Variants in ATOSB observed in about 807,000 individuals in gnomAD.
ATOSB encodes the protein atos homolog protein B.
chr9:35,104,987 C>T, the ATOSB span: 1 of 401,708 alleles, frequency 2.5e-6, no homozygotes, highest in Non-Finnish European at 4.4e-6. Context: ...CTCCCTACTA[C>T]CTAAGCTGGC....
At chr9:35,107,343 A>AAT in the ATOSB span, 1 of 1,531,280 alleles carries the variant, frequency 6.5e-7, no homozygotes, top group Admixed American at 2.2e-5. Context: ...AAAAAAAAAA[A>AAT]GTAAAAAAAG....
At chr9:35,108,512 C>T in the ATOSB span, 1 of 1,236,574 alleles carries the variant, frequency 8.1e-7, no homozygotes. Flanking sequence ...ATAGAGACCA[C>T]TCTCAGAACT....
the ATOSB span, chr9:35,105,046 G>A: frequency 3.1e-6 from 2 of 644,850 alleles, no homozygotes; most frequent in Non-Finnish European, 4.9e-6. The surrounding 1 kb of genome is among the most constrained non-coding windows in gnomAD (Gnocchi z 5.5). Context: ...CCGAAGTAGG[G>A]CAGGGTGTAG....
chr9:35,105,064 C>A, the ATOSB span: 722 of 780,584 alleles, frequency 9.2e-4, 4 homozygotes, highest in African/African-American at 0.012. This position sits in a 1 kb window ranked among gnomAD's most constrained non-coding sequence, Gnocchi z 5.5. Flanking sequence ...TAGTAAGAAT[C>A]AGAAGCTTTA....
At chr9:35,105,702 G>A in the ATOSB span, 2 of 1,614,000 alleles carry the variant, frequency 1.2e-6, no homozygotes, top group Non-Finnish European at 8.5e-7. The surrounding 1 kb of genome is among the most constrained non-coding windows in gnomAD (Gnocchi z 5.5). Flanking sequence ...GCAAGTAGCA[G>A]AGGAGGCGGT....
At chr9:35,106,227 C>T in the ATOSB span, 1 of 1,612,756 alleles carries the variant, frequency 6.2e-7, no homozygotes, top group East Asian at 2.2e-5. The surrounding 1 kb of genome is among the most constrained non-coding windows in gnomAD (Gnocchi z 4.6). Context: ...GATGAGCTGA[C>T]TTTGGGGTTG....
the ATOSB span, chr9:35,105,716 T>A: frequency 6.2e-7 from 1 of 1,613,002 alleles, no homozygotes; most frequent in Non-Finnish European, 8.5e-7. This position sits in a 1 kb window ranked among gnomAD's most constrained non-coding sequence, Gnocchi z 5.5. Flanking sequence ...AGGCGGTGGG[T>A]GGGGTTAGCA....
the ATOSB span, among the ~76,000 whole-genome samples, chr9:35,112,970 C>T: frequency 2.7e-4 from 41 of 152,258 alleles, no homozygotes; most frequent in African/African-American, 9.1e-4. Flanking sequence ...CCTTACCTCA[C>T]CCTAGACCAC....
the ATOSB span, chr9:35,111,479 C>A: frequency 6.5e-6 from 1 of 153,018 alleles, no homozygotes; most frequent in South Asian, 2.0e-4. Flanking sequence ...CGCAGCCCCC[C>A]AGCCGCTGCC....
At chr9:35,105,546 C>CAT in the ATOSB span, 1 of 1,044,984 alleles carries the variant, frequency 9.6e-7, no homozygotes, top group South Asian at 1.6e-5. The surrounding 1 kb of genome is among the most constrained non-coding windows in gnomAD (Gnocchi z 5.5). Context: ...TGAATACATA[C>CAT]ATATATATGT....
the ATOSB span, chr9:35,106,923 G>A: frequency 6.5e-7 from 1 of 1,546,744 alleles, no homozygotes; most frequent in Non-Finnish European, 8.8e-7. The surrounding 1 kb of genome is among the most constrained non-coding windows in gnomAD (Gnocchi z 4.6). Flanking sequence ...AAAAGACACA[G>A]GGTGAAGGCC....
chr9:35,114,260 C>T, the ATOSB span, among the ~76,000 whole-genome samples: 8 of 152,226 alleles, frequency 5.3e-5, no homozygotes, highest in East Asian at 1.5e-3. Context: ...TAGGCCCGCC[C>T]TCTCTGAGAG....
the ATOSB span, chr9:35,109,837 C>G: frequency 6.6e-6 from 1 of 152,348 alleles, no homozygotes; most frequent in Non-Finnish European, 1.5e-5. Flanking sequence ...TCTTCTAGAC[C>G]GACCATAGAG....
the ATOSB span, chr9:35,110,477 C>G: frequency 7.5e-6 from 1 of 134,058 alleles, no homozygotes; most frequent in Admixed American, 7.7e-5. Context: ...AGTTCCCACC[C>G]TGTCAACAAG....
the ATOSB span, chr9:35,107,978 C>T: frequency 6.2e-7 from 1 of 1,600,328 alleles, no homozygotes; most frequent in Non-Finnish European, 8.5e-7. Context: ...CTAAGAGCCC[C>T]ACAGTAGATG....
the ATOSB span, among the ~76,000 whole-genome samples, chr9:35,115,405 A>G: frequency 1.3e-5 from 2 of 151,950 alleles, no homozygotes; most frequent in Non-Finnish European, 2.9e-5. Flanking sequence ...TACTTTGTCA[A>G]AGTACTGGGG....
At chr9:35,106,077 C>T in the ATOSB span, 2 of 1,546,606 alleles carry the variant, frequency 1.3e-6, no homozygotes, top group Non-Finnish European at 1.8e-6. This position sits in a 1 kb window ranked among gnomAD's most constrained non-coding sequence, Gnocchi z 4.6. Context: ...ACACATGTCC[C>T]TCTCCACAAG....
the ATOSB span, chr9:35,108,015 G>C: frequency 6.4e-7 from 1 of 1,556,348 alleles, no homozygotes; most frequent in Non-Finnish European, 8.7e-7. Flanking sequence ...TCCCTCTCTG[G>C]CCCCCAGCCC....
chr9:35,104,612 C>G, the ATOSB span: 5 of 428,992 alleles, frequency 1.2e-5, no homozygotes, highest in East Asian at 3.4e-4. Flanking sequence ...ACTTGGCTTT[C>G]AGAGATAGGT....
Sources: allele counts gnomAD v4.1 joint callset (sites outside exome capture counted in the v4.1 genomes callset), GRCh38; gene constraint gnomAD v4.1.1; non-coding constraint Gnocchi (gnomAD v3.1); transcripts MANE v1.5; gene names NCBI Gene and HGNC (gene_info 2026-07-23, HGNC 2026-07-21).